The following CDKAL1 variants were observed in gnomAD, a reference collection of about 807,000 sequenced individuals.
CDKAL1 encodes the protein threonylcarbamoyladenosine tRNA methylthiotransferase.
In CDKAL1, 32 loss-of-function variants were observed where a neutral mutation model predicts 68.2. The observed-to-expected ratio is 0.47, with a 90% CI of 0.35 to 0.63. The LOEUF (loss-of-function observed/expected upper bound fraction) is 0.63. CDKAL1 is among the 30% of genes least tolerant of loss of function. The pLI is 0.00. For missense variants in CDKAL1, 606 were observed against 696.7 expected, an observed-to-expected ratio of 0.87 and a Z score of 1.47; for synonymous variants, 234 against 244.3, an observed-to-expected ratio of 0.96 and a Z score of 0.39.
At chr6:21,053,828 T>G (rs764840169) in intron 11 of CDKAL1, among the ~76,000 whole-genome samples, 1 of 152,194 alleles carries the variant, frequency 6.6e-6, no homozygotes, top group African/African-American at 2.4e-5. Context: ...TTCCTGTTAG[T>G]GAGTCATAGT....
At chr6:20,991,969 ATT>A (rs1766836256) in intron 10 of CDKAL1, among the ~76,000 whole-genome samples, 1 of 148,244 alleles carries the variant, frequency 6.7e-6, no homozygotes, top group South Asian at 2.1e-4. Context: ...CATTCTCTTC[ATT>A]TTAAGAGATT....
intron 11 of CDKAL1, among the ~76,000 whole-genome samples, chr6:21,056,046 T>A (rs908051657): frequency 3.2e-4 from 49 of 152,176 alleles, no homozygotes; most frequent in African/African-American, 1.1e-3. Context: ...GTTTCTTGAC[T>A]TTTTACTAAT....
intron 5 of CDKAL1, among the ~76,000 whole-genome samples, chr6:20,704,128 T>TA (rs1379500677): frequency 1.3e-5 from 2 of 152,162 alleles, no homozygotes; most frequent in Admixed American, 6.5e-5. Flanking sequence ...TTAATGAGCT[T>TA]ATGTGGGTAG....
At chr6:20,926,023 A>T (rs1171358358) in intron 9 of CDKAL1, among the ~76,000 whole-genome samples, 1 of 152,152 alleles carries the variant, frequency 6.6e-6, no homozygotes, top group Non-Finnish European at 1.5e-5. Context: ...TAATAACCTG[A>T]GGATGGTTTT....
intron 11 of CDKAL1, among the ~76,000 whole-genome samples, chr6:21,033,040 A>T (rs1023259640): frequency 6.6e-6 from 1 of 152,146 alleles, no homozygotes; most frequent in African/African-American, 2.4e-5. Flanking sequence ...CCCAACATCT[A>T]CTGTAGAGAC....
chr6:20,960,436 C>T (rs776337637), intron 10 of CDKAL1, among the ~76,000 whole-genome samples: 3 of 152,242 alleles, frequency 2.0e-5, no homozygotes, highest in Non-Finnish European at 4.4e-5. Flanking sequence ...CCTTCCCAAA[C>T]TCTTCCCACA....
intron 9 of CDKAL1, among the ~76,000 whole-genome samples, chr6:20,940,842 G>A (rs1224984244): frequency 6.6e-6 from 1 of 152,176 alleles, no homozygotes. Flanking sequence ...TGTAATCCCA[G>A]CACTTTGAGA....
chr6:20,878,331 C>A (rs896549103), intron 9 of CDKAL1, among the ~76,000 whole-genome samples: 1 of 152,178 alleles, frequency 6.6e-6, no homozygotes, highest in Non-Finnish European at 1.5e-5. Context: ...CTCCTCTCTC[C>A]CCTCGCCCAT....
chr6:20,881,370 A>G (rs940525874), intron 9 of CDKAL1, among the ~76,000 whole-genome samples: 1 of 152,184 alleles, frequency 6.6e-6, no homozygotes. Flanking sequence ...ATATATAATC[A>G]TAGCATATAT....
chr6:21,065,379 C>T (rs1771379602), intron 12 of CDKAL1, 151 bp downstream of exon 12: 4 of 597,838 alleles, frequency 6.7e-6, no homozygotes, highest in African/African-American at 2.0e-5. Context: ...GCCAGGGGGC[C>T]GTGGATGAGT....
intron 13 of CDKAL1, among the ~76,000 whole-genome samples, chr6:21,111,002 G>A (rs903479354): frequency 2.0e-5 from 3 of 152,078 alleles, no homozygotes; most frequent in African/African-American, 7.2e-5. Context: ...TAATTTCAAA[G>A]AGCAGAGTGG....
At chr6:20,935,252 T>C (rs935812207) in intron 9 of CDKAL1, among the ~76,000 whole-genome samples, 2 of 152,120 alleles carry the variant, frequency 1.3e-5, no homozygotes, top group Non-Finnish European at 2.9e-5. Context: ...TAATGACTTT[T>C]AATAGCTTTG....
At chr6:21,206,845 T>C (rs746506436) in intron 15 of CDKAL1, among the ~76,000 whole-genome samples, 1 of 152,192 alleles carries the variant, frequency 6.6e-6, no homozygotes, top group Non-Finnish European at 1.5e-5. Flanking sequence ...GTATATTAAA[T>C]ATTTTAAAGA....
chr6:20,536,102 C>CTT (rs34025398), intron 2 of CDKAL1, among the ~76,000 whole-genome samples: 3 of 138,230 alleles, frequency 2.2e-5, no homozygotes, highest in Non-Finnish European at 4.7e-5. Flanking sequence ...CTAAATTTTA[C>CTT]TTTTTTTTTT....
intron 11 of CDKAL1, among the ~76,000 whole-genome samples, chr6:21,021,683 G>T (rs1190473281): frequency 6.6e-6 from 1 of 152,064 alleles, no homozygotes; most frequent in Admixed American, 6.6e-5. Flanking sequence ...CATCCTTTGG[G>T]GTTGTCAAAG....
chr6:20,873,548 C>G (rs866178252), intron 9 of CDKAL1, among the ~76,000 whole-genome samples: 2 of 152,128 alleles, frequency 1.3e-5, no homozygotes, highest in South Asian at 2.1e-4. Context: ...AAACAATTTC[C>G]TCAAATTTAC....
chr6:20,695,918 T>A (rs1325525560), intron 5 of CDKAL1, among the ~76,000 whole-genome samples: 1 of 152,204 alleles, frequency 6.6e-6, no homozygotes, highest in Non-Finnish European at 1.5e-5. Context: ...TCTGTACCCA[T>A]GAAACAGTAA....
intron 6 of CDKAL1, among the ~76,000 whole-genome samples, chr6:20,748,596 G>T: frequency 1.0e-5 from 1 of 96,878 alleles, no homozygotes; most frequent in Non-Finnish European, 2.1e-5. Context: ...AAAAAAAAAA[G>T]CTATAGTAAT....
At chr6:20,858,462 C>A (rs186130899) in intron 9 of CDKAL1, among the ~76,000 whole-genome samples, 33 of 152,144 alleles carry the variant, frequency 2.2e-4, no homozygotes, top group African/African-American at 7.7e-4. Context: ...AAAACTGATA[C>A]GCCTGTAATG....
Sources: gnomAD v4.1 joint callset for allele counts (sites outside exome capture counted in the v4.1 genomes callset) on GRCh38, gnomAD v4.1.1 for gene constraint, MANE v1.5 for transcripts, NCBI Gene and HGNC (gene_info 2026-07-23, HGNC 2026-07-21) for gene names.